The following BLK variants were observed in gnomAD, a reference collection of about 807,000 sequenced individuals.
The protein encoded by BLK is tyrosine-protein kinase Blk.
BLK carries 64 observed loss-of-function variants against 61.8 expected under a neutral mutation model. The ratio of observed to expected loss-of-function variants is 1.03; its 90% CI spans 0.85 to 1.27. BLK has a LOEUF of 1.27. Ranked by LOEUF, BLK falls within the 50% of genes most tolerant of loss-of-function variation. BLK has a pLI of 0.00. For synonymous variants in BLK, 351 were observed against 272.0 expected (o/e 1.29, Z -2.86); for missense variants, 853 against 660.5 (o/e 1.29, Z -3.19).
intron 1 of BLK, among the ~76,000 whole-genome samples, chr8:11,541,490 G>A (rs114589390): frequency 2.0e-3 from 296 of 146,254 alleles, no homozygotes; most frequent in African/African-American, 6.8e-3. Flanking sequence ...CAAACCCATC[G>A]TCTCTCTCTC....
In BLK at chr8:11,526,815, A is replaced by G. The variant is rs73663157; in HGVS notation, c.-1-16409A>G. ...GTACTCAAAACTTTTTCAGTTGAAA[A>G]TCAGGCACTACAATAATATAACTAT... is the stretch of plus-strand genomic sequence containing the variant. On this transcript the variant is annotated intron_variant, in intron 1 of 12. Transcript: ENST00000259089. Among the ~76,000 whole-genome samples, 480 of 152,302 alleles carry G rather than the reference A, an allele frequency of 3.2e-3. 5 individuals carry two copies. Among genetic ancestry groups the G allele is most frequent in the African/African-American group, 0.011 (460 of 41,564 alleles).
rs148911695 is a variant in BLK, at chr8:11,549,263, T to G, written c.368+141T>G. Reference sequence around the variant, plus strand: ...CAAAGAGGGGACAGGAAATGAGCTCTGCTGGGAAAGGCCTCTCTGCTGGCT... The same window carrying G: ...CAAAGAGGGGACAGGAAATGAGCTCGGCTGGGAAAGGCCTCTCTGCTGGCT... On this transcript the variant is annotated intron_variant, in intron 5 of 12. Coordinates refer to ENST00000259089, the MANE Select transcript of BLK (RefSeq NM_001715.3). 4,260 of 787,554 alleles carry G rather than the reference T, an allele frequency of 5.4e-3. 17 individuals carry two copies. The highest frequency in any genetic ancestry group is 7.4e-3 in the Non-Finnish European group (3,346 of 453,974). The allele number at this position is 787,554 out of a possible 1,614,324, so 48.8% of individuals were successfully genotyped here.
At chr8:11,549,215 A>C in intron 5 of BLK, 93 bp downstream of exon 5, 1 of 1,176,524 alleles carries the variant, frequency 8.5e-7, no homozygotes, top group Non-Finnish European at 1.2e-6. Context: ...AGTGGGACTG[A>C]CCAGGGAGCC....
chr8:11,548,894 C>G, intron 4 of BLK, 130 bp from the exon 5 acceptor site: 1 of 848,120 alleles, frequency 1.2e-6, no homozygotes, highest in Non-Finnish European at 2.0e-6. Flanking sequence ...CCCTTCCTGC[C>G]TGCCGTACTC....
intron 12 of BLK, among the ~76,000 whole-genome samples, chr8:11,563,489 C>T (rs1801585900): frequency 6.6e-6 from 1 of 152,218 alleles, no homozygotes. Context: ...TCGTGGACGA[C>T]AGCCCCCAGC....
At chr8:11,559,675 A>G (rs958339484) in intron 10 of BLK, 21 of 449,144 alleles carry the variant, frequency 4.7e-5, no homozygotes, top group African/African-American at 4.0e-4. Flanking sequence ...GAACCCTGCA[A>G]TCACAATCCC....
intron 1 of BLK, among the ~76,000 whole-genome samples, chr8:11,528,406 T>C (rs1004677401): frequency 6.6e-6 from 1 of 152,222 alleles, no homozygotes; most frequent in African/African-American, 2.4e-5. Flanking sequence ...TGGCCAGCAA[T>C]GACCAAGGAG....
intron 1 of BLK, among the ~76,000 whole-genome samples, chr8:11,514,168 G>T (rs532790693): frequency 5.3e-5 from 8 of 152,286 alleles, no homozygotes; most frequent in Admixed American, 2.0e-4. Context: ...TCTGGGCAAG[G>T]TCTCTGTCCC....
At chr8:11,558,570 C>A (rs1801337566) in intron 10 of BLK, 2 of 445,650 alleles carry the variant, frequency 4.5e-6, no homozygotes, top group African/African-American at 2.0e-5. Flanking sequence ...TGGAGGACAG[C>A]CCCACCTTCT....
chr8:11,515,561 C>T (rs577075460), intron 1 of BLK, among the ~76,000 whole-genome samples: 4 of 152,326 alleles, frequency 2.6e-5, no homozygotes, highest in East Asian at 1.9e-4. Flanking sequence ...TTTGCTGCAG[C>T]CCTCATCTGG....
chr8:11,539,404 TC>T (rs1800275087), intron 1 of BLK, among the ~76,000 whole-genome samples: 1 of 151,982 alleles, frequency 6.6e-6, no homozygotes, highest in Non-Finnish European at 1.5e-5. Context: ...CAACAAGTCT[TC>T]AATTGCTGGG....
chr8:11,501,413 T>C (rs546288898), intron 1 of BLK, among the ~76,000 whole-genome samples: 1 of 151,820 alleles, frequency 6.6e-6, no homozygotes, highest in Non-Finnish European at 1.5e-5. Context: ...TTGTGGTGTC[T>C]GTCTGTCTGT....
At chr8:11,551,370 G>A (rs926353312) in intron 6 of BLK, among the ~76,000 whole-genome samples, 1 of 152,094 alleles carries the variant, frequency 6.6e-6, no homozygotes, top group South Asian at 2.1e-4. Context: ...GTCCTCACGT[G>A]GCCGTCCCTC....
chr8:11,497,472 A>C (rs1435323920), intron 1 of BLK, among the ~76,000 whole-genome samples: 1 of 152,144 alleles, frequency 6.6e-6, no homozygotes, highest in Non-Finnish European at 1.5e-5. Flanking sequence ...TGTCCCCAGC[A>C]ACCACCAGCA....
At chr8:11,545,903 G>A in intron 2 of BLK, 149 bp from the exon 3 acceptor site, 1 of 841,576 alleles carries the variant, frequency 1.2e-6, no homozygotes, top group Non-Finnish European at 2.1e-6. Flanking sequence ...GGTACAGAAT[G>A]TCCCTGAGCA....
chr8:11,534,420 C>G (rs958314736), intron 1 of BLK, among the ~76,000 whole-genome samples: 1 of 152,030 alleles, frequency 6.6e-6, no homozygotes, highest in Non-Finnish European at 1.5e-5. Flanking sequence ...AAAAAATTCA[C>G]TCACATAAAG....
At chr8:11,518,114 G>C (rs1461798307) in intron 1 of BLK, among the ~76,000 whole-genome samples, 1 of 152,152 alleles carries the variant, frequency 6.6e-6, no homozygotes, top group Non-Finnish European at 1.5e-5. Flanking sequence ...TACGCAGTGG[G>C]TGAATAAGTG....
intron 1 of BLK, among the ~76,000 whole-genome samples, chr8:11,522,921 G>C (rs561370510): frequency 6.6e-6 from 1 of 152,168 alleles, no homozygotes; most frequent in Non-Finnish European, 1.5e-5. Context: ...GAGAGAAAGA[G>C]AGGAGAAAAT....
At chr8:11,495,222 GACA>G (rs1010797320) in intron 1 of BLK, among the ~76,000 whole-genome samples, 2 of 152,154 alleles carry the variant, frequency 1.3e-5, no homozygotes, top group African/African-American at 4.8e-5. Flanking sequence ...GTAAGGTTTT[GACA>G]ACGTTTCCAT....
Sources: allele counts gnomAD v4.1 joint callset (sites outside exome capture counted in the v4.1 genomes callset), GRCh38; gene constraint gnomAD v4.1.1; transcripts MANE v1.5; gene names NCBI Gene and HGNC (gene_info 2026-07-23, HGNC 2026-07-21).